Variants in SMC2 observed in about 807,000 individuals in gnomAD.
SMC2 encodes the protein structural maintenance of chromosomes 2.
SMC2 carries 41 observed loss-of-function variants against 142.6 expected under a neutral mutation model. That is an observed-to-expected ratio of 0.29 (90% CI 0.22 to 0.37). The LOEUF is 0.37. SMC2 is among the 10% of genes least tolerant of loss of function. The pLI is 1.00. For synonymous variants in SMC2, 463 were observed against 457.5 expected, an observed-to-expected ratio of 1.01 and a Z score of -0.15; for missense variants, 1,265 against 1,373.7, an observed-to-expected ratio of 0.92 and a Z score of 1.25.
chr9:104,131,815 GTA>G (rs1157444370), intron 21 of SMC2, among the ~76,000 whole-genome samples, 192 bp from the exon 22 acceptor site: 4 of 151,758 alleles, frequency 2.6e-5, no homozygotes, highest in Non-Finnish European at 5.9e-5. Flanking sequence ...ATATGAGTGT[GTA>G]TATACACACA....
At chr9:104,092,241 A>T (rs1370670910), upstream of SMC2, 1 of 152,174 alleles carries the variant, frequency 6.6e-6, no homozygotes, top group East Asian at 1.9e-4. Context: ...TTTTCATTTT[A>T]ATCAATGGTC....
rs143609098 is a variant in SMC2, at chr9:104,118,235, C to T, written c.1856C>T (p.Ala619Val). 3.3e-5 allele frequency: 54 copies of T among 1,613,526 alleles called. No individual in the cohort carries two copies. The highest frequency in any genetic ancestry group is 2.5e-6 in the Non-Finnish European group (3 of 1,179,778). ...GAATATAAACCAGAACTTCAGAAAG[C>T]AATGGAGTTTGTCTTTGGAACAACA... Reference protein sequence around the residue: ...LVEYKPELQKAMEFVFGTTFV... With the variant: ...LVEYKPELQKVMEFVFGTTFV... Residue 619 changes from alanine to valine, a missense_variant, in exon 15 of 25, where the codon GCA (alanine) becomes GTA (valine). By Grantham distance (64) the Ala-to-Val change is moderately conservative (BLOSUM62 0). Coordinates refer to ENST00000374793, the MANE Select transcript of SMC2 (RefSeq NM_006444.3).
intron 9 of SMC2, among the ~76,000 whole-genome samples, chr9:104,109,055 C>G (rs1832134403): frequency 6.6e-6 from 1 of 152,188 alleles, no homozygotes; most frequent in African/African-American, 2.4e-5. Flanking sequence ...TACAGCTATT[C>G]TTCAACTGAG....
chr9:104,139,966 G>A lies in SMC2; in HGVS notation c.*651G>A, dbSNP rs768790982. 6 of 152,000 alleles carry A rather than the reference G, an allele frequency of 3.9e-5. No homozygotes were observed. Among genetic ancestry groups the A allele is most frequent in the Non-Finnish European group, 8.8e-5 (6 of 67,962 alleles). The allele number at this position is 152,000 out of a possible 1,614,324, so 9.4% of individuals were successfully genotyped here. ...ATACATGAATATCATGTTCCTATAC[G>A]CTTAATAATTGGTCTCTACGACTTT... On this transcript the variant is annotated 3_prime_UTR_variant, in exon 25 of 25. Transcript: ENST00000374793.
At chr9:104,115,767 A>T (rs1318081399) in intron 13 of SMC2, among the ~76,000 whole-genome samples, 1 of 152,138 alleles carries the variant, frequency 6.6e-6, no homozygotes, top group African/African-American at 2.4e-5. Flanking sequence ...TATAGTCCTC[A>T]TGCTATACAT....
chr9:104,117,869 G>A (rs1171177851), intron 14 of SMC2, among the ~76,000 whole-genome samples: 1 of 152,156 alleles, frequency 6.6e-6, no homozygotes, highest in East Asian at 1.9e-4. Flanking sequence ...TCCAGTCAAC[G>A]TTGGTGAAGG....
chr9:104,103,842 A>G (rs894324008), intron 9 of SMC2, among the ~76,000 whole-genome samples: 2 of 152,260 alleles, frequency 1.3e-5, no homozygotes, highest in African/African-American at 4.8e-5. Context: ...AATTTAGACA[A>G]AATTTTGAAG....
intron 9 of SMC2, among the ~76,000 whole-genome samples, chr9:104,108,427 T>G (rs1261958231): frequency 1.3e-5 from 2 of 152,178 alleles, no homozygotes; most frequent in Admixed American, 6.5e-5. Flanking sequence ...ATACTCGTCC[T>G]CTAGATAGTG....
chr9:104,129,678 A>C lies in SMC2; in HGVS notation c.2824A>C (p.Asn942His). The change falls in exon 21 of 25, where the codon AAT (asparagine) becomes CAT (histidine). Residue 942 changes from asparagine to histidine, a missense_variant. Physicochemically the swap from Asn to His is moderately conservative, Grantham distance 68. This residue lies in a region of SMC2 where 898 missense variants were observed against 904.2 expected (regional missense o/e 0.99). Transcript: ENST00000374793. ...AATGTTGAAAGATTATGACTGGATTAATGCAGAGAGACACCTCTTTGGCCA... is the reference window on the plus strand; with the variant it reads ...AATGTTGAAAGATTATGACTGGATTCATGCAGAGAGACACCTCTTTGGCCA... Reference protein sequence around the residue: ...SKMLKDYDWINAERHLFGQPN... With the variant: ...SKMLKDYDWIHAERHLFGQPN... 6.2e-7 allele frequency: 1 copy of C among 1,613,990 alleles called. No homozygotes were observed. Among genetic ancestry groups the C allele is most frequent in the Non-Finnish European group, 8.5e-7 (1 of 1,179,894 alleles).
chr9:104,135,797 A>G (rs1188446333), intron 23 of SMC2: 1 of 517,622 alleles, frequency 1.9e-6, no homozygotes, highest in African/African-American at 1.9e-5. Flanking sequence ...TGCTGAAAGT[A>G]TATGTCAACT....
rs1832473508 is a variant in SMC2, at chr9:104,111,764, A to G, written c.1204A>G (p.Met402Val). ...DGAEATLAGQ[M>V]MACKNDISKA... ...AGCAGAAGCAACTCTTGCTGGTCAA[A>G]TGATGGCCTGTAAAAATGATATAAG... The change falls in exon 10 of 25, where the codon ATG becomes GTG. Residue 402 changes from methionine (M) to valine (V), a missense_variant. Physicochemically the swap from Met to Val is conservative, Grantham distance 21 (BLOSUM62 1). Coordinates refer to ENST00000374793, the MANE Select transcript of SMC2 (RefSeq NM_006444.3). 8.1e-6 allele frequency: 13 copies of G among 1,614,008 alleles called. No individual in the cohort carries two copies. The East Asian group carries it at 2.9e-4, about 36-fold the overall frequency.
chr9:104,126,742 A>G lies in SMC2; in HGVS notation c.2553A>G (p.Glu851=). 1 of 1,612,454 alleles carries G rather than the reference A, an allele frequency of 6.2e-7. No homozygotes were observed. Among genetic ancestry groups the G allele is most frequent in the Non-Finnish European group, 8.5e-7 (1 of 1,179,540 alleles). The part of the protein sequence containing the change: ...EAVNEAIKSY[E]SQIEVMAAEV... ...TAAATGAAGCTATCAAATCCTATGA[A>G]AGTCAGATTGAAGTAATGGCAGCTG... The change falls in exon 19 of 25, where the codon GAA becomes GAG. Residue 851 remains glutamate (E), a synonymous_variant. Coordinates refer to ENST00000374793, the MANE Select transcript of SMC2 (RefSeq NM_006444.3).
rs1171579174 is a variant in SMC2, at chr9:104,099,688, A to G, written c.480+6A>G. On this transcript the variant is annotated splice_donor_region_variant and intron_variant, in intron 5 of 24. Coordinates refer to ENST00000374793, the MANE Select transcript of SMC2 (RefSeq NM_006444.3). Reference sequence around the variant, plus strand: ...TGAATATGAAACCTCCAGAGGTAAGAGTACTATTTATGGACATTAAAAATA... The same window carrying G: ...TGAATATGAAACCTCCAGAGGTAAGGGTACTATTTATGGACATTAAAAATA... The G allele has an allele frequency of 6.5e-7, 1 of 1,541,178 alleles. No individual in the cohort carries two copies. Among genetic ancestry groups the G allele is most frequent in the Non-Finnish European group, 9.0e-7 (1 of 1,114,924 alleles).
At chr9:104,108,660 T>C (rs757786522) in intron 9 of SMC2, among the ~76,000 whole-genome samples, 1 of 152,200 alleles carries the variant, frequency 6.6e-6, no homozygotes. Context: ...GTGAAGCAAG[T>C]TCAGTATGCA....
At chr9:104,095,605 C>A in intron 2 of SMC2, 53 bp downstream of exon 2, 1 of 1,449,084 alleles carries the variant, frequency 6.9e-7, no homozygotes. Context: ...GGAGAATCCT[C>A]ACTGAACTTT....
chr9:104,107,034 C>T (rs1481304757), intron 9 of SMC2, among the ~76,000 whole-genome samples: 1 of 152,184 alleles, frequency 6.6e-6, no homozygotes, highest in Non-Finnish European at 1.5e-5. Context: ...GCCAAAGCAT[C>T]CCCTGTGGTT....
chr9:104,111,112 A>C (rs1295318407), intron 9 of SMC2, among the ~76,000 whole-genome samples: 1 of 152,206 alleles, frequency 6.6e-6, no homozygotes, highest in East Asian at 1.9e-4. Context: ...TGGTAGTATT[A>C]CTTAAAAGGT....
chr9:104,099,947 A>G, intron 5 of SMC2, 146 bp from the exon 6 acceptor site: 2 of 625,428 alleles, frequency 3.2e-6, no homozygotes, highest in Non-Finnish European at 5.6e-6. Flanking sequence ...TTTGTGTGAA[A>G]TTACTATATT....
At chr9:104,121,287 G>A (rs1160725017) in intron 16 of SMC2, among the ~76,000 whole-genome samples, 3 of 152,124 alleles carry the variant, frequency 2.0e-5, no homozygotes, top group Non-Finnish European at 2.9e-5. Context: ...GAGCTCAGGA[G>A]TTCAAGACCA....
Sources: gnomAD v4.1 joint callset for allele counts (sites outside exome capture counted in the v4.1 genomes callset) on GRCh38, gnomAD v4.1.1 for gene constraint, gnomAD v4.1.1 regional missense constraint, MANE v1.5 for transcripts, NCBI Gene and HGNC (gene_info 2026-07-23, HGNC 2026-07-21) for gene names.